The following PCDHGA8 variants were observed in gnomAD, a reference collection of about 807,000 sequenced individuals.
PCDHGA8 encodes protocadherin gamma subfamily A, 8.
A neutral mutation model predicts 59.2 loss-of-function variants in PCDHGA8; 45 were observed. That is an observed-to-expected ratio of 0.76 (90% CI 0.60 to 0.98). The LOEUF is 0.98. Ranked by LOEUF, PCDHGA8 falls within the 50% of genes least tolerant of loss-of-function variation. PCDHGA8 has a pLI of 0.00. For synonymous variants in PCDHGA8, 531 were observed against 519.0 expected, an observed-to-expected ratio of 1.02 and a Z score of -0.32; for missense variants, 1,257 against 1,196.2, an observed-to-expected ratio of 1.05 and a Z score of -0.75.
intron 1 of PCDHGA8, among the ~76,000 whole-genome samples, chr5:141,457,224 A>G (rs1176186371): frequency 6.6e-6 from 1 of 152,158 alleles, no homozygotes; most frequent in African/African-American, 2.4e-5. Flanking sequence ...GTGGTAGGTA[A>G]TTTCCATCTA....
In PCDHGA8 at chr5:141,478,301, G is replaced by C. The variant is rs778427815; in HGVS notation, c.2425-16506G>C. ...GAAGCAGTCTAGAGACCTATACCGA[G>C]CCCCGGTGAGCTCACTGTACCGAAC... On this transcript the variant is annotated intron_variant, in intron 1 of 3. Coordinates refer to ENST00000398604, the MANE Select transcript of PCDHGA8 (RefSeq NM_032088.2). 2.5e-6 allele frequency: 4 copies of C among 1,614,074 alleles called. No individual in the cohort carries two copies. In the South Asian group the frequency reaches 4.4e-5, roughly 18 times the overall value.
chr5:141,485,654 G>A lies in PCDHGA8; in HGVS notation c.2425-9153G>A, dbSNP rs2099617203. 6.2e-7 allele frequency: 1 copy of A among 1,612,482 alleles called. No individual in the cohort carries two copies. The highest frequency in any genetic ancestry group is 8.5e-7 in the Non-Finnish European group (1 of 1,178,842). On this transcript the variant is annotated intron_variant, in intron 1 of 3. Coordinates refer to ENST00000398604, the MANE Select transcript of PCDHGA8 (RefSeq NM_032088.2). The surrounding 1 kb of genome is among the most constrained non-coding windows in gnomAD (Gnocchi z 5.7). ...CCCGTTGGAAAAGGCTCAGGATGCA[G>A]ATGTGGGGAGCAATTCGATTAGCAG... is the stretch of plus-strand genomic sequence containing the variant.
chr5:141,423,706 A>C (rs1045905298), intron 1 of PCDHGA8: 1 of 1,231,762 alleles, frequency 8.1e-7, no homozygotes, highest in Admixed American at 3.4e-5. Context: ...TCTTGGCACA[A>C]GTCTTTTAAG....
Position 141,432,292 on chromosome 5 carries a change from T to G in PCDHGA8, c.2424+37055T>G. 6.2e-7 allele frequency: 1 copy of G among 1,614,196 alleles called. No homozygotes were observed. The highest frequency in any genetic ancestry group is 8.5e-7 in the Non-Finnish European group (1 of 1,180,042). On this transcript the variant is annotated intron_variant, in intron 1 of 3. Transcript: ENST00000398604. This position sits in a 1 kb window ranked among gnomAD's most constrained non-coding sequence, Gnocchi z 6.0. Reference sequence around the variant, plus strand: ...CCTACGTGTCCATCAACTCCGACACTGGGGTACTGTATGCGCTGAGCTCCT... The same window carrying G: ...CCTACGTGTCCATCAACTCCGACACGGGGGTACTGTATGCGCTGAGCTCCT...
rs1245731818 is a variant in PCDHGA8, at chr5:141,476,700, A to C, written c.2425-18107A>C. 1 of 1,614,096 alleles carries C rather than the reference A, an allele frequency of 6.2e-7. No homozygotes were observed. Among genetic ancestry groups the C allele is most frequent in the Non-Finnish European group, 8.5e-7 (1 of 1,180,016 alleles). On this transcript the variant is annotated intron_variant, in intron 1 of 3. Coordinates refer to ENST00000398604, the MANE Select transcript of PCDHGA8 (RefSeq NM_032088.2). This position sits in a 1 kb window ranked among gnomAD's most constrained non-coding sequence, Gnocchi z 7.6. Reference sequence around the variant, plus strand: ...CGGGAGGACAGCACCAAGTACGCGGAGCTGGTGTTGGAGCGCGCCCTGGAC... The same window carrying C: ...CGGGAGGACAGCACCAAGTACGCGGCGCTGGTGTTGGAGCGCGCCCTGGAC...
chr5:141,433,703 G>T (rs1561871157), intron 1 of PCDHGA8, among the ~76,000 whole-genome samples: 1 of 152,098 alleles, frequency 6.6e-6, no homozygotes, highest in Non-Finnish European at 1.5e-5. Flanking sequence ...CGGGCGTGGT[G>T]GTGCATGTCT....
At chr5:141,443,448 T>C (rs1205977008) in intron 1 of PCDHGA8, among the ~76,000 whole-genome samples, 1 of 152,210 alleles carries the variant, frequency 6.6e-6, no homozygotes, top group African/African-American at 2.4e-5. Context: ...GTTGCGCTCC[T>C]GTACTCCAGT....
At chr5:141,478,567 C>T (rs371741874) in intron 1 of PCDHGA8, 20 of 1,593,698 alleles carry the variant, frequency 1.3e-5, no homozygotes, top group Non-Finnish European at 1.7e-5. Flanking sequence ...GCAAGTCATG[C>T]TTGACCCTGT....
At chr5:141,414,531 C>A in intron 1 of PCDHGA8, 1 of 1,613,960 alleles carries the variant, frequency 6.2e-7, no homozygotes, top group Non-Finnish European at 8.5e-7. Context: ...TCAATGACAA[C>A]CCACCTACCT....
In PCDHGA8 at chr5:141,415,739, G is replaced by GTTT. The variant is rs1561759437; in HGVS notation, c.2424+20502_2424+20503insTTT. 6 of 435,150 alleles carry GTTT rather than the reference G, an allele frequency of 1.4e-5. No individual in the cohort carries two copies. The African/African-American group carries it at 1.6e-4, about 12-fold the overall frequency. 27.0% of individuals were successfully genotyped at this position (435,150 alleles called of 1,614,324 possible). ...ATGAGTAGAATTTGATGTTTATTAAGGTTTTTTTTTTTTTTTTTTTTTTTT... is the reference window on the plus strand; with the variant it reads ...ATGAGTAGAATTTGATGTTTATTAAGTTTGTTTTTTTTTTTTTTTTTTTTTTTT... On this transcript the variant is annotated intron_variant, in intron 1 of 3. Transcript: ENST00000398604.
chr5:141,477,212 C>T lies in PCDHGA8; in HGVS notation c.2425-17595C>T, dbSNP rs1488282405. On this transcript the variant is annotated intron_variant, in intron 1 of 3. Coordinates refer to ENST00000398604, the MANE Select transcript of PCDHGA8 (RefSeq NM_032088.2). This position sits in a 1 kb window ranked among gnomAD's most constrained non-coding sequence, Gnocchi z 4.9. ...GTACAGCCCAGTACCCGAGGATGCC[C>T]CTCTGGGGACTGTCATCGCTTTGCT... 11 of 1,614,048 alleles carry T rather than the reference C, an allele frequency of 6.8e-6. No individual in the cohort carries two copies. The highest frequency in any genetic ancestry group is 1.3e-5 in the African/African-American group (1 of 74,918).
intron 3 of PCDHGA8, among the ~76,000 whole-genome samples, chr5:141,508,629 T>C (rs934648689): frequency 6.6e-6 from 1 of 152,054 alleles, no homozygotes; most frequent in Non-Finnish European, 1.5e-5. Context: ...GGGCCGAGCT[T>C]CTAGCTACTC....
chr5:141,437,794 G>C (rs1162440523), intron 1 of PCDHGA8, among the ~76,000 whole-genome samples: 1 of 150,526 alleles, frequency 6.6e-6, no homozygotes, highest in Non-Finnish European at 1.5e-5. Context: ...CTGGAGTGCA[G>C]TGGCACTATC....
At chr5:141,510,814 C>T in intron 3 of PCDHGA8, 133 bp from the exon 4 acceptor site, 2 of 1,544,688 alleles carry the variant, frequency 1.3e-6, no homozygotes, top group East Asian at 4.6e-5. Context: ...TTGGTGACCC[C>T]TATATTCCCA....
At chr5:141,420,190 A>T in intron 1 of PCDHGA8, 3 of 1,613,922 alleles carry the variant, frequency 1.9e-6, no homozygotes, top group Non-Finnish European at 2.5e-6. Flanking sequence ...GTCCAGCCAC[A>T]CAAGATAACC....
chr5:141,422,092 G>A (rs2154549502), intron 1 of PCDHGA8: 6 of 1,611,520 alleles, frequency 3.7e-6, no homozygotes, highest in Non-Finnish European at 5.1e-6. Flanking sequence ...GGAAAGCAAG[G>A]CTTCTGAAAT....
chr5:141,422,485 A>G, intron 1 of PCDHGA8: 2 of 1,613,980 alleles, frequency 1.2e-6, no homozygotes, highest in Non-Finnish European at 1.7e-6. Context: ...CCAGAGCTAC[A>G]ATATAACGTT....
intron 1 of PCDHGA8, among the ~76,000 whole-genome samples, chr5:141,457,904 T>C (rs960822555): frequency 6.0e-5 from 9 of 150,288 alleles, no homozygotes; most frequent in African/African-American, 2.2e-4. Context: ...GTAGACAAGG[T>C]GTGAGGCCAG....
chr5:141,435,890 A>G (rs2097784923), intron 1 of PCDHGA8, among the ~76,000 whole-genome samples: 1 of 152,176 alleles, frequency 6.6e-6, no homozygotes, highest in Non-Finnish European at 1.5e-5. Context: ...AACCCCTTAG[A>G]GAATGAAAGA....
Sources: gnomAD v4.1 joint callset for allele counts (sites outside exome capture counted in the v4.1 genomes callset) on GRCh38, gnomAD v4.1.1 for gene constraint, Gnocchi (gnomAD v3.1) non-coding constraint, MANE v1.5 for transcripts, NCBI Gene and HGNC (gene_info 2026-07-23, HGNC 2026-07-21) for gene names.